LRP1B: variants seen among roughly 807,000 people sequenced by gnomAD.
The protein encoded by LRP1B is low-density lipoprotein receptor-related protein 1B.
A neutral mutation model predicts 556.6 loss-of-function variants in LRP1B; 217 were observed. That is an observed-to-expected ratio of 0.39 (90% CI 0.35 to 0.44). The LOEUF (loss-of-function observed/expected upper bound fraction) is 0.44, where lower values mean the gene tolerates loss of function less well. LRP1B is among the 20% of genes least tolerant of loss of function. The pLI is 1.00. For synonymous variants in LRP1B, 2,047 were observed against 1,865.8 expected (o/e 1.10, Z -2.50); for missense variants, 5,053 against 5,620.8 (o/e 0.90, Z 3.23).
chr2:142,118,668 G>T (rs552615683), intron 1 of LRP1B, among the ~76,000 whole-genome samples: 1 of 152,084 alleles, frequency 6.6e-6, no homozygotes, highest in East Asian at 1.9e-4. Flanking sequence ...CCAGTCAGGG[G>T]GCATAAATCA....
In LRP1B at chr2:140,358,947, C is replaced by T. The variant is rs2105138556; in HGVS notation, c.11132-1G>A. 1 of 1,605,512 alleles carries T rather than the reference C, an allele frequency of 6.2e-7. No homozygotes were observed. The highest frequency in any genetic ancestry group is 1.1e-5 in the South Asian group (1 of 90,694). ...CTCGTGGATGGACAAAGAAATTTGA[C>T]TGAAGAAAAAGAAGAAAAAACAAAG... On this transcript the variant is annotated splice_acceptor_variant, in intron 72 of 90. Coordinates refer to ENST00000389484, the MANE Select transcript of LRP1B (RefSeq NM_018557.3). LOFTEE classifies it high-confidence loss of function.
At chr2:140,733,545 T>C (rs935648290) in intron 35 of LRP1B, among the ~76,000 whole-genome samples, 6 of 152,154 alleles carry the variant, frequency 3.9e-5, no homozygotes, top group African/African-American at 1.4e-4. Flanking sequence ...AGGCGCACCC[T>C]ACTAACACAT....
intron 7 of LRP1B, among the ~76,000 whole-genome samples, chr2:141,134,149 G>C (rs1004684955): frequency 4.6e-5 from 7 of 151,450 alleles, no homozygotes; most frequent in African/African-American, 1.7e-4. Context: ...CTCATGCACT[G>C]CCTTAATATA....
chr2:141,092,800 G>C (rs376735782), intron 7 of LRP1B, among the ~76,000 whole-genome samples: 1 of 152,136 alleles, frequency 6.6e-6, no homozygotes, highest in African/African-American at 2.4e-5. Context: ...GAGTTCAAGC[G>C]TTCGAGATGT....
chr2:141,333,451 C>T (rs937142749), intron 3 of LRP1B, among the ~76,000 whole-genome samples: 1 of 152,080 alleles, frequency 6.6e-6, no homozygotes, highest in Admixed American at 6.5e-5. Flanking sequence ...TTCACTATGT[C>T]TTCTTATCAT....
Position 140,950,369 on chromosome 2 carries a change from C to T in LRP1B, c.3002G>A (p.Gly1001Asp), listed in dbSNP as rs756053633. The T allele has an allele frequency of 6.2e-7, 1 of 1,611,468 alleles. No homozygotes were observed. The highest frequency in any genetic ancestry group is 1.3e-5 in the African/African-American group (1 of 74,774). The change falls in exon 20 of 91, where the codon GGC becomes GAC. Residue 1001 changes from glycine (G) to aspartate (D), a missense_variant. Coordinates refer to ENST00000389484, the MANE Select transcript of LRP1B (RefSeq NM_018557.3). ...DDCGDGSDEV[G>D]CVHSCFDNQF... The stretch of plus-strand genomic sequence containing the variant: ...ATTATCAAAGCAAGAGTGAACACAG[C>T]CCACCTCATCACTCCCGTCCCCACA...
intron 2 of LRP1B, among the ~76,000 whole-genome samples, chr2:141,610,575 A>G (rs918003339): frequency 6.6e-6 from 1 of 152,050 alleles, no homozygotes; most frequent in Non-Finnish European, 1.5e-5. Context: ...CCTTTCTACC[A>G]TAAGGTACCC....
At chr2:140,939,383 A>G (rs971946648) in intron 20 of LRP1B, among the ~76,000 whole-genome samples, 1 of 151,566 alleles carries the variant, frequency 6.6e-6, no homozygotes, top group South Asian at 2.1e-4. Flanking sequence ...TTAAAACAGA[A>G]GAATAAGAGC....
chr2:141,588,726 C>T (rs983138164), intron 2 of LRP1B, among the ~76,000 whole-genome samples: 8 of 151,996 alleles, frequency 5.3e-5, no homozygotes, highest in Non-Finnish European at 5.9e-5. Context: ...CTCTACATTA[C>T]GGATATGAAA....
chr2:142,082,898 C>A (rs1354989543), intron 1 of LRP1B, among the ~76,000 whole-genome samples: 3 of 151,788 alleles, frequency 2.0e-5, no homozygotes, highest in Non-Finnish European at 2.9e-5. Context: ...TTTTTTGTGG[C>A]CAGGATGAGG....
chr2:140,402,382 C>T (rs1237976315), intron 66 of LRP1B, among the ~76,000 whole-genome samples: 2 of 152,144 alleles, frequency 1.3e-5, no homozygotes, highest in African/African-American at 4.8e-5. Flanking sequence ...CTTCCCTTGT[C>T]CACCACTGCA....
chr2:141,726,329 T>A (rs1574288871), intron 2 of LRP1B, among the ~76,000 whole-genome samples: 2 of 151,614 alleles, frequency 1.3e-5, no homozygotes, highest in Non-Finnish European at 2.9e-5. Flanking sequence ...TAAAAAAAAA[T>A]TATTTTGATT....
intron 2 of LRP1B, among the ~76,000 whole-genome samples, chr2:141,585,886 T>A (rs1005571684): frequency 3.4e-4 from 12 of 35,490 alleles, no homozygotes; most frequent in African/African-American, 1.1e-3. Context: ...ACAGGTGCAC[T>A]TTTTTTTTTT....
intron 1 of LRP1B, among the ~76,000 whole-genome samples, chr2:142,049,106 A>T (rs2105228345): frequency 6.6e-6 from 1 of 152,202 alleles, no homozygotes. Flanking sequence ...AGAACTCCAG[A>T]AAGAAAGTTG....
chr2:140,703,375 T>C (rs1031207590), intron 37 of LRP1B, among the ~76,000 whole-genome samples: 1 of 152,108 alleles, frequency 6.6e-6, no homozygotes, highest in African/African-American at 2.4e-5. Context: ...AGAATGTACA[T>C]AATCCATGTA....
intron 1 of LRP1B, among the ~76,000 whole-genome samples, chr2:141,962,360 A>C (rs765242004): frequency 1.9e-4 from 29 of 151,822 alleles, no homozygotes; most frequent in Non-Finnish European, 3.4e-4. Flanking sequence ...AAAAGATATC[A>C]ACAGCCTTCC....
chr2:140,233,007 A>G lies in LRP1B; in HGVS notation c.*179T>C, dbSNP rs1430015015. The G allele has an allele frequency of 6.9e-6, 3 of 435,114 alleles. No homozygotes were observed. The highest frequency in any genetic ancestry group is 1.2e-5 in the Non-Finnish European group (3 of 247,258). 27.0% of individuals were successfully genotyped at this position (435,114 alleles called of 1,614,324 possible). ...TCTTTTTCATAAAAATACCATACAA[A>G]TGGTCAATCAATAGTCATCAGCAAA... On this transcript the variant is annotated 3_prime_UTR_variant, in exon 91 of 91. Transcript: ENST00000389484.
intron 11 of LRP1B, among the ~76,000 whole-genome samples, chr2:141,040,317 A>G (rs950124075): frequency 1.3e-5 from 2 of 152,106 alleles, no homozygotes; most frequent in Admixed American, 6.6e-5. Context: ...TCACACTTTA[A>G]ATTTCATAAG....
chr2:140,758,642 A>G (rs528559829), intron 35 of LRP1B, among the ~76,000 whole-genome samples: 11 of 152,150 alleles, frequency 7.2e-5, no homozygotes, highest in Admixed American at 1.3e-4. Context: ...AGGGTTTTAA[A>G]TGAACATTAA....
Sources: gnomAD v4.1 joint callset for allele counts (sites outside exome capture counted in the v4.1 genomes callset) on GRCh38, gnomAD v4.1.1 for gene constraint, MANE v1.5 for transcripts, NCBI Gene and HGNC (gene_info 2026-07-23, HGNC 2026-07-21) for gene names.